RPRD1A: variants seen among roughly 807,000 people sequenced by gnomAD.
RPRD1A encodes regulation of nuclear pre-mRNA domain-containing protein 1A.
Under a neutral mutation model 37.8 loss-of-function variants are expected in RPRD1A, and 9 were observed. The observed-to-expected ratio is 0.24, with a 90% CI of 0.14 to 0.42. The LOEUF (loss-of-function observed/expected upper bound fraction) is 0.42, where lower values mean the gene tolerates loss of function less well. RPRD1A is among the 10% of genes least tolerant of loss of function. RPRD1A has a pLI of 1.00. For missense variants in RPRD1A, 255 were observed against 371.0 expected (o/e 0.69, Z 2.57); for synonymous variants, 138 against 139.7 (o/e 0.99, Z 0.08).
rs79228031 is a variant in RPRD1A at position 36,047,376 on chromosome 18, C to T, written c.152-13539G>A. On this transcript the variant is annotated intron_variant, in intron 1 of 6. Coordinates refer to ENST00000399022, the MANE Select transcript of RPRD1A (RefSeq NM_018170.5). The stretch of plus-strand genomic sequence containing the variant: ...CCAAAGGTACACATGAAAAAAGACA[C>T]AGTCTCAAATCAATAATCTGTAGTA... 6.7e-3 allele frequency among the ~76,000 whole-genome samples: 1,022 copies of T among 152,116 alleles called. 9 individuals are homozygous for T. The highest frequency in any genetic ancestry group is 0.011 in the Non-Finnish European group (756 of 68,004).
intron 6 of RPRD1A, among the ~76,000 whole-genome samples, chr18:35,994,797 T>C (rs921591514): frequency 1.3e-5 from 2 of 152,190 alleles, no homozygotes; most frequent in Non-Finnish European, 2.9e-5. Flanking sequence ...TCTCAATCAT[T>C]TTGCCCCTCC....
intron 6 of RPRD1A, 183 bp downstream of exon 6, chr18:36,026,717 G>A: frequency 2.2e-6 from 1 of 452,972 alleles, no homozygotes; most frequent in Middle Eastern, 6.0e-4. Context: ...AAGTTTACTT[G>A]CAAGATTAAT....
At chr18:36,029,090 A>AACG (rs1911579911) in intron 4 of RPRD1A, among the ~76,000 whole-genome samples, 2 of 152,004 alleles carry the variant, frequency 1.3e-5, no homozygotes, top group African/African-American at 4.8e-5. Context: ...CAAATGTAAC[A>AACG]TTCTTATCAC....
At chr18:35,995,705 C>T (rs964855329) in intron 6 of RPRD1A, among the ~76,000 whole-genome samples, 17 of 152,076 alleles carry the variant, frequency 1.1e-4, no homozygotes, top group Non-Finnish European at 2.4e-4. Flanking sequence ...GACTGACTTC[C>T]AAAGAGTACA....
intron 1 of RPRD1A, among the ~76,000 whole-genome samples, chr18:36,054,643 T>C (rs994466272): frequency 5.9e-5 from 9 of 151,992 alleles, no homozygotes; most frequent in African/African-American, 1.9e-4. Flanking sequence ...GAATTGGCCA[T>C]GGGAAATCTG....
At chr18:36,015,645 G>C (rs1291302151) in intron 6 of RPRD1A, among the ~76,000 whole-genome samples, 1 of 152,148 alleles carries the variant, frequency 6.6e-6, no homozygotes, top group African/African-American at 2.4e-5. Context: ...GCCTTAAAAA[G>C]GAAGGAAATT....
intron 1 of RPRD1A, among the ~76,000 whole-genome samples, chr18:36,043,994 A>G (rs921172491): frequency 1.3e-5 from 2 of 152,256 alleles, no homozygotes; most frequent in African/African-American, 4.8e-5. Context: ...TGTATGTTAT[A>G]TAAACTATAT....
chr18:36,039,738 G>A (rs1482849425), intron 1 of RPRD1A, among the ~76,000 whole-genome samples: 1 of 152,142 alleles, frequency 6.6e-6, no homozygotes, highest in Non-Finnish European at 1.5e-5. Flanking sequence ...AGATGGCAAT[G>A]CTGATAAATA....
intron 6 of RPRD1A, among the ~76,000 whole-genome samples, chr18:36,018,041 T>G (rs974799120): frequency 2.0e-5 from 3 of 152,254 alleles, no homozygotes; most frequent in Non-Finnish European, 4.4e-5. Flanking sequence ...TACTCCTTTG[T>G]TCAAAATGCT....
intron 1 of RPRD1A, among the ~76,000 whole-genome samples, chr18:36,045,980 A>C (rs1912925805): frequency 6.6e-6 from 1 of 152,224 alleles, no homozygotes. Flanking sequence ...TTTTTGAGGA[A>C]ATCTGGGCTA....
At chr18:36,018,965 T>A (rs1413733132) in intron 6 of RPRD1A, among the ~76,000 whole-genome samples, 1 of 151,884 alleles carries the variant, frequency 6.6e-6, no homozygotes, top group Non-Finnish European at 1.5e-5. Flanking sequence ...CTGTTAACAA[T>A]CAGCAAAGCA....
chr18:36,018,399 G>A (rs1045887539), intron 6 of RPRD1A, among the ~76,000 whole-genome samples: 3 of 151,346 alleles, frequency 2.0e-5, no homozygotes, highest in African/African-American at 4.9e-5. Context: ...TCACACTCCC[G>A]AGTGGCTGGG....
chr18:36,030,742 T>C, intron 4 of RPRD1A, 66 bp downstream of exon 4: 1 of 965,942 alleles, frequency 1.0e-6, no homozygotes, highest in Non-Finnish European at 1.6e-6. Context: ...TGAAACGAAA[T>C]TAATAAAGCT....
At chr18:36,039,043 G>A (rs142392295) in intron 1 of RPRD1A, among the ~76,000 whole-genome samples, 17 of 152,334 alleles carry the variant, frequency 1.1e-4, no homozygotes, top group Middle Eastern at 3.4e-3. Context: ...GTTAATGCTA[G>A]AATGAGTTAA....
At chr18:36,037,186 T>G (rs994933331) in intron 1 of RPRD1A, among the ~76,000 whole-genome samples, 1 of 152,108 alleles carries the variant, frequency 6.6e-6, no homozygotes. Flanking sequence ...AAATAACATA[T>G]ACTTGTGATA....
chr18:36,011,189 T>A (rs190922900), intron 6 of RPRD1A, among the ~76,000 whole-genome samples: 3 of 152,262 alleles, frequency 2.0e-5, no homozygotes, highest in Admixed American at 2.0e-4. Context: ...AATAACCACA[T>A]AAAGTCGGTA....
chr18:36,067,450 G>A lies in RPRD1A; in HGVS notation c.-46C>T, dbSNP rs778420362. The A allele has an allele frequency of 3.2e-6, 5 of 1,570,018 alleles. No homozygotes were observed. In the South Asian group the frequency reaches 3.5e-5, roughly 11 times the overall value. Reference sequence around the variant, plus strand: ...GCCGTCCCACGCGGTGGGGCCGAGGGGAGGAGAGTTTCGCCGCCCTAGCTG... The same window carrying A: ...GCCGTCCCACGCGGTGGGGCCGAGGAGAGGAGAGTTTCGCCGCCCTAGCTG... On this transcript the variant is annotated 5_prime_UTR_variant, in exon 1 of 7. Coordinates refer to ENST00000399022, the MANE Select transcript of RPRD1A (RefSeq NM_018170.5).
At chr18:36,047,513 T>C (rs77248499) in intron 1 of RPRD1A, among the ~76,000 whole-genome samples, 14,804 of 151,674 alleles carry the variant, frequency 0.098, 914 homozygotes, top group Non-Finnish European at 0.13. Flanking sequence ...AACATAAAAA[T>C]GCAGAAAAAA....
At chr18:36,014,509 C>T (rs1910374784) in intron 6 of RPRD1A, among the ~76,000 whole-genome samples, 1 of 152,216 alleles carries the variant, frequency 6.6e-6, no homozygotes, top group Non-Finnish European at 1.5e-5. Flanking sequence ...AAGGCCAAGG[C>T]AGGCGGATCA....
Sources: allele counts gnomAD v4.1 joint callset (sites outside exome capture counted in the v4.1 genomes callset), GRCh38; gene constraint gnomAD v4.1.1; transcripts MANE v1.5; gene names NCBI Gene and HGNC (gene_info 2026-07-23, HGNC 2026-07-21).